The following ALK variants were observed in gnomAD, a reference collection of about 807,000 sequenced individuals.
The protein encoded by ALK is ALK receptor tyrosine kinase, also known as ALK tyrosine kinase receptor.
In ALK, 74 loss-of-function variants were observed where a neutral mutation model predicts 163.1. That is an observed-to-expected ratio of 0.45 (90% CI 0.38 to 0.55). ALK has a LOEUF of 0.55. Ranked by LOEUF, ALK falls within the 20% of genes least tolerant of loss-of-function variation. ALK has a pLI of 0.00. For synonymous variants in ALK, 960 were observed against 843.2 expected (o/e 1.14, Z -2.40); for missense variants, 2,063 against 2,105.3 (o/e 0.98, Z 0.39).
At chr2:29,796,649 C>G (rs901698897) in intron 1 of ALK, among the ~76,000 whole-genome samples, 1 of 152,138 alleles carries the variant, frequency 6.6e-6, no homozygotes, top group African/African-American at 2.4e-5. Context: ...CCAGCAGAGA[C>G]TACGAATAAC....
chr2:29,731,648 C>T (rs1022158233), intron 1 of ALK, among the ~76,000 whole-genome samples: 4 of 152,202 alleles, frequency 2.6e-5, no homozygotes, highest in African/African-American at 9.6e-5. Flanking sequence ...GCAGCACTTA[C>T]ACAACATTAA....
At chr2:29,662,426 TATA>T (rs777207108) in intron 3 of ALK, among the ~76,000 whole-genome samples, 8 of 152,196 alleles carry the variant, frequency 5.3e-5, no homozygotes, top group Non-Finnish European at 1.2e-4. Flanking sequence ...CTGTATGTTT[TATA>T]ATAAGTTGCC....
intron 11 of ALK, among the ~76,000 whole-genome samples, chr2:29,255,354 G>A (rs911284475): frequency 6.6e-6 from 1 of 152,178 alleles, no homozygotes; most frequent in African/African-American, 2.4e-5. Context: ...TGAATTCAGT[G>A]TTTTCCAAAC....
At chr2:29,750,689 A>C (rs188185723) in intron 1 of ALK, among the ~76,000 whole-genome samples, 3,245 of 116,882 alleles carry the variant, frequency 0.028, 233 homozygotes, top group African/African-American at 0.11. Flanking sequence ...GGAAGGAAGG[A>C]AGGAAGGAAG....
chr2:29,726,415 C>G (rs984778221), intron 1 of ALK, among the ~76,000 whole-genome samples: 1 of 152,106 alleles, frequency 6.6e-6, no homozygotes, highest in Non-Finnish European at 1.5e-5. Context: ...ATACTGAAAG[C>G]GATACAAAGA....
In ALK at chr2:29,214,229, T is replaced by C. The variant is rs115332650; in HGVS notation, c.3646-148A>G. ...CTCGGCCCTGGCTGCACATTAGAAA[T>C]CACCTGGAGGCATTTGAAAGAATTT... On this transcript the variant is annotated intron_variant, in intron 23 of 28. Coordinates refer to ENST00000389048, the MANE Select transcript of ALK (RefSeq NM_004304.5). 8.9e-3 allele frequency: 6,165 copies of C among 696,442 alleles called. 43 individuals carry two copies. Among genetic ancestry groups the C allele is most frequent in the Non-Finnish European group, 0.012 (4,667 of 395,512 alleles). The allele number at this position is 696,442 out of a possible 1,614,324, so 43.1% of individuals were successfully genotyped here. A position where few individuals can be genotyped will look rare whatever the true frequency, so the allele number is the denominator to read the frequency against.
At chr2:29,875,780 A>G (rs1666689868) in intron 1 of ALK, among the ~76,000 whole-genome samples, 1 of 152,190 alleles carries the variant, frequency 6.6e-6, no homozygotes. Context: ...TTATGGCTGC[A>G]TAGTATTCCA....
intron 4 of ALK, among the ~76,000 whole-genome samples, chr2:29,389,440 T>C (rs1043633410): frequency 6.6e-6 from 1 of 152,210 alleles, no homozygotes; most frequent in African/African-American, 2.4e-5. Context: ...ATAGACAGTG[T>C]GTGTTTGGAG....
rs569405056 is a variant in ALK, at chr2:29,783,554, T to C, written c.668-65857A>G. Among the ~76,000 whole-genome samples the C allele has an allele frequency of 9.2e-5, 14 of 152,324 alleles. No individual in the cohort carries two copies. In the South Asian group the frequency reaches 2.9e-3, roughly 32 times the overall value. Reference sequence around the variant, plus strand: ...TGATGTACTATCCATGCTGAGTGACTGTAAATTTTTTTGATTGCAAGAAAA... The same window carrying C: ...TGATGTACTATCCATGCTGAGTGACCGTAAATTTTTTTGATTGCAAGAAAA... On this transcript the variant is annotated intron_variant, in intron 1 of 28. Coordinates refer to ENST00000389048, the MANE Select transcript of ALK (RefSeq NM_004304.5).
At chr2:29,430,283 T>A (rs917458001) in intron 4 of ALK, among the ~76,000 whole-genome samples, 1 of 152,100 alleles carries the variant, frequency 6.6e-6, no homozygotes, top group African/African-American at 2.4e-5. Flanking sequence ...GGGGAGAAAA[T>A]ATTTGCAAGT....
rs185449562 is a variant in ALK, at chr2:29,877,240, T to G, written c.667+42753A>C. Among the ~76,000 whole-genome samples the G allele has an allele frequency of 2.0e-5, 3 of 152,322 alleles. No individual in the cohort carries two copies. The East Asian group carries it at 5.8e-4, about 29-fold the overall frequency. On this transcript the variant is annotated intron_variant, in intron 1 of 28. Coordinates refer to ENST00000389048, the MANE Select transcript of ALK (RefSeq NM_004304.5). Reference sequence around the variant, plus strand: ...AAATACACTCACACCTCAGACTTTTTGTACTTGCTGTTTCCTCTGCCTTAA... The same window carrying G: ...AAATACACTCACACCTCAGACTTTTGGTACTTGCTGTTTCCTCTGCCTTAA...
chr2:29,821,652 G>C (rs144017230), intron 1 of ALK, among the ~76,000 whole-genome samples: 1 of 152,076 alleles, frequency 6.6e-6, no homozygotes, highest in African/African-American at 2.4e-5. Context: ...TGGGGCACTC[G>C]ATTGCTCCAG....
rs541188469 is a variant in ALK at position 29,669,417 on chromosome 2, C to T, written c.952+25433G>A. 1.9e-3 allele frequency among the ~76,000 whole-genome samples: 287 copies of T among 151,998 alleles called. 3 individuals carry two copies. Among genetic ancestry groups the T allele is most frequent in the Middle Eastern group, 3.4e-3 (1 of 294 alleles). ...TTTACCTGATATAAATATAGCTGCT[C>T]CTGTCCTTTTTTGGATTCCAGTTGC... is the stretch of plus-strand genomic sequence containing the variant. On this transcript the variant is annotated intron_variant, in intron 3 of 28. Coordinates refer to ENST00000389048, the MANE Select transcript of ALK (RefSeq NM_004304.5).
At chr2:29,819,120 G>A (rs781061617) in intron 1 of ALK, among the ~76,000 whole-genome samples, 1 of 152,302 alleles carries the variant, frequency 6.6e-6, no homozygotes, top group Middle Eastern at 3.4e-3. Context: ...CAGGGAGCCT[G>A]TTATAAATAA....
intron 14 of ALK, among the ~76,000 whole-genome samples, 179 bp from the exon 15 acceptor site, chr2:29,232,627 C>T (rs1016153228): frequency 2.6e-5 from 4 of 152,320 alleles, no homozygotes; most frequent in South Asian, 2.1e-4. Context: ...CCATCGGCTC[C>T]GCCAGCTTCT....
At chr2:29,596,924 C>T (rs561344569) in intron 3 of ALK, among the ~76,000 whole-genome samples, 2 of 152,304 alleles carry the variant, frequency 1.3e-5, no homozygotes, top group South Asian at 4.1e-4. Context: ...TTCATCATTG[C>T]CCTTTGTGGA....
intron 1 of ALK, among the ~76,000 whole-genome samples, chr2:29,863,319 A>G (rs182387465): frequency 4.6e-5 from 7 of 152,340 alleles, no homozygotes; most frequent in Admixed American, 4.6e-4. Context: ...GAAACAATCA[A>G]CACAGTGAAG....
chr2:29,853,728 T>C (rs1235996953), intron 1 of ALK, among the ~76,000 whole-genome samples: 4 of 152,118 alleles, frequency 2.6e-5, no homozygotes, highest in Admixed American at 2.6e-4. Flanking sequence ...CCAGGAGACT[T>C]TGCAGGGTCA....
Position 29,226,995 on chromosome 2 carries a change from G to A in ALK, c.2994C>T (p.Asp998=), listed in dbSNP as rs1377614762. The change falls in exon 18 of 29, where the codon GAC becomes GAT. Residue 998 remains aspartate (D), a synonymous_variant. Transcript: ENST00000389048. The stretch of plus-strand genomic sequence containing the variant: ...AGCAGATGACCTTGTGGCTTTCAGG[G>A]TCCATGTGACATTCGTCTACCTCAC... ...SHCEVDECHM[D]PESHKVICFC... 1.9e-6 allele frequency: 3 copies of A among 1,614,068 alleles called. No individual in the cohort carries two copies. The highest frequency in any genetic ancestry group is 2.5e-6 in the Non-Finnish European group (3 of 1,180,054).
Sources: gnomAD v4.1 joint callset for allele counts (sites outside exome capture counted in the v4.1 genomes callset) on GRCh38, gnomAD v4.1.1 for gene constraint, MANE v1.5 for transcripts, NCBI Gene and HGNC (gene_info 2026-07-23, HGNC 2026-07-21) for gene names.